AK5: variants seen among roughly 807,000 people sequenced by gnomAD.
The protein encoded by AK5 is adenylate kinase isoenzyme 5.
Under a neutral mutation model 69.5 loss-of-function variants are expected in AK5, and 27 were observed. That is an observed-to-expected ratio of 0.39 (90% confidence interval 0.29 to 0.54). AK5 has a LOEUF of 0.54. AK5 is among the 20% of genes least tolerant of loss of function. The pLI, the probability that AK5 is intolerant of heterozygous loss-of-function variation, is 0.71. For synonymous variants in AK5, 260 were observed against 244.4 expected (o/e 1.06, Z -0.60); for missense variants, 531 against 700.4 (o/e 0.76, Z 2.73).
At chr1:77,536,196 T>C (rs10873948) in intron 13 of AK5, among the ~76,000 whole-genome samples, 158 bp downstream of exon 13, 148,852 of 152,284 alleles carry the variant, frequency 0.98, 72,826 homozygotes, top group South Asian at 1. Flanking sequence ...CACAGTGGCT[T>C]ATGCCTGTAA....
In AK5 at chr1:77,337,677, T is replaced by A. The variant is rs1313786981; in HGVS notation, c.700-2700T>A. Among the ~76,000 whole-genome samples, 4 of 152,208 alleles carry A rather than the reference T, an allele frequency of 2.6e-5. No individual in the cohort carries two copies. In the East Asian group the frequency reaches 7.7e-4, roughly 29 times the overall value. ...ACAAATACTACAAGTGATTCTCTAA[T>A]TTTTTAAGGTTTCTCAAAAATGATT... On this transcript the variant is annotated intron_variant, in intron 5 of 13. Coordinates refer to ENST00000354567, the MANE Select transcript of AK5 (RefSeq NM_174858.3).
intron 8 of AK5, among the ~76,000 whole-genome samples, chr1:77,418,787 A>G (rs1532511): frequency 0.16 from 23,838 of 152,090 alleles, 1,976 homozygotes; most frequent in African/African-American, 0.2. Context: ...AACAGATCAG[A>G]CCAGTGTCCA....
intron 6 of AK5, among the ~76,000 whole-genome samples, chr1:77,348,101 C>T (rs1201785967): frequency 6.6e-6 from 1 of 152,102 alleles, no homozygotes; most frequent in African/African-American, 2.4e-5. Flanking sequence ...AACTTCCTCC[C>T]CCAACAGAAT....
At chr1:77,535,314 A>T (rs1394515500) in intron 12 of AK5, among the ~76,000 whole-genome samples, 4 of 152,154 alleles carry the variant, frequency 2.6e-5, no homozygotes, top group Non-Finnish European at 5.9e-5. Flanking sequence ...GAATTGATGA[A>T]GCCCATCCTG....
At chr1:77,556,861 AC>A (rs1316662667) in intron 13 of AK5, among the ~76,000 whole-genome samples, 2 of 152,048 alleles carry the variant, frequency 1.3e-5, no homozygotes, top group African/African-American at 4.8e-5. Context: ...CAGATTAAAG[AC>A]CCAGCCCAAA....
chr1:77,397,806 G>T (rs1041834304), intron 6 of AK5, among the ~76,000 whole-genome samples: 1 of 152,204 alleles, frequency 6.6e-6, no homozygotes, highest in Non-Finnish European at 1.5e-5. Flanking sequence ...GGAGGCTGAG[G>T]CAGGAGCATC....
At position 77,503,553 on chromosome 1, in the gene AK5, C is replaced by T. The variant is rs570147446; in HGVS notation, c.1148-15011C>T. Among the ~76,000 whole-genome samples, 15 of 152,254 alleles carry T rather than the reference C, an allele frequency of 9.9e-5. No individual in the cohort carries two copies. The East Asian group carries it at 2.9e-3, about 29-fold the overall frequency. On this transcript the variant is annotated intron_variant, in intron 10 of 13. Transcript: ENST00000354567. ...TTATAAAAGGTTTATGAGAAGCTCA[C>T]CTTATGGTTAAACTGATTAAGACTG...
chr1:77,397,291 G>A (rs1385605809), intron 6 of AK5, among the ~76,000 whole-genome samples: 1 of 151,828 alleles, frequency 6.6e-6, no homozygotes, highest in Non-Finnish European at 1.5e-5. Context: ...CGTACCCACC[G>A]CCTGGCCCCC....
At chr1:77,438,250 G>A (rs1428373221) in intron 8 of AK5, among the ~76,000 whole-genome samples, 1 of 126,154 alleles carries the variant, frequency 7.9e-6, no homozygotes, top group East Asian at 2.5e-4. Flanking sequence ...AAGAAGTTGA[G>A]AGCCTCTACA....
chr1:77,545,016 C>A (rs765432817), intron 13 of AK5, among the ~76,000 whole-genome samples: 2 of 152,228 alleles, frequency 1.3e-5, no homozygotes, highest in South Asian at 2.1e-4. Context: ...CATCACAAGG[C>A]GCTGGAAAAT....
At position 77,497,266 on chromosome 1, in the gene AK5, G is replaced by A. The variant is rs367845354; in HGVS notation, c.1147+10914G>A. Among the ~76,000 whole-genome samples, 9 of 152,148 alleles carry A rather than the reference G, an allele frequency of 5.9e-5. No homozygotes were observed. In the East Asian group the frequency reaches 1.2e-3, roughly 20 times the overall value. On this transcript the variant is annotated intron_variant, in intron 10 of 13. Coordinates refer to ENST00000354567, the MANE Select transcript of AK5 (RefSeq NM_174858.3). ...AAGTCCCCGAGACCATGAACCCACC[G>A]GGAGGAACAAACAACTCTGGATGTG...
chr1:77,489,207 C>T (rs1234314544), intron 10 of AK5, among the ~76,000 whole-genome samples: 1 of 152,106 alleles, frequency 6.6e-6, no homozygotes, highest in Non-Finnish European at 1.5e-5. Context: ...AGACAAAGCT[C>T]GAAACCTCCA....
intron 3 of AK5, among the ~76,000 whole-genome samples, chr1:77,295,486 A>T (rs985842356): frequency 1.3e-5 from 2 of 152,242 alleles, no homozygotes; most frequent in African/African-American, 2.4e-5. Flanking sequence ...GCTTTATGGT[A>T]GCCGCTGTTA....
In AK5 at chr1:77,554,745, A is replaced by G. The variant is rs537800884; in HGVS notation, c.1621-3857A>G. On this transcript the variant is annotated intron_variant, in intron 13 of 13. Transcript: ENST00000354567. ...CTGAGCCTCCCGAGTAGCTGGGACTACAGGCGCCCGCCACCATGCCCGGCT... is the reference window on the plus strand; with the variant it reads ...CTGAGCCTCCCGAGTAGCTGGGACTGCAGGCGCCCGCCACCATGCCCGGCT... Among the ~76,000 whole-genome samples, 22 of 149,526 alleles carry G rather than the reference A, an allele frequency of 1.5e-4. No individual in the cohort carries two copies. The South Asian group carries it at 4.7e-3, about 32-fold the overall frequency.
chr1:77,444,115 C>G (rs1279638855), intron 8 of AK5, among the ~76,000 whole-genome samples: 1 of 149,024 alleles, frequency 6.7e-6, no homozygotes, highest in Non-Finnish European at 1.5e-5. Flanking sequence ...CTCCCTGCCA[C>G]TGCCCAACCC....
intron 8 of AK5, among the ~76,000 whole-genome samples, chr1:77,474,210 G>A (rs898368941): frequency 3.9e-5 from 6 of 152,152 alleles, no homozygotes; most frequent in African/African-American, 1.2e-4. Context: ...AGTCTCTCCC[G>A]AATGTCTCCT....
intron 5 of AK5, among the ~76,000 whole-genome samples, chr1:77,316,098 G>A (rs1480750942): frequency 6.6e-6 from 1 of 152,162 alleles, no homozygotes; most frequent in Non-Finnish European, 1.5e-5. Context: ...TCATAGTGGA[G>A]TGGTCATGAT....
At chr1:77,358,014 T>TGAGAGA (rs770789847) in intron 6 of AK5, among the ~76,000 whole-genome samples, 1 of 107,678 alleles carries the variant, frequency 9.3e-6, no homozygotes, top group South Asian at 3.8e-4. Context: ...TGTGTGTGTG[T>TGAGAGA]GTGTGAGAGA....
intron 8 of AK5, among the ~76,000 whole-genome samples, chr1:77,437,534 G>A (rs949724760): frequency 1.3e-5 from 2 of 152,066 alleles, no homozygotes; most frequent in Non-Finnish European, 2.9e-5. Flanking sequence ...GTGGACCAAA[G>A]CTTTGGGTAA....
Sources: gnomAD v4.1 joint callset for allele counts (sites outside exome capture counted in the v4.1 genomes callset) on GRCh38, gnomAD v4.1.1 for gene constraint, MANE v1.5 for transcripts, NCBI Gene and HGNC (gene_info 2026-07-23, HGNC 2026-07-21) for gene names.